NRP1: variants seen among roughly 807,000 people sequenced by gnomAD.
NRP1 encodes the protein neuropilin 1, also known as neuropilin-1.
Under a neutral mutation model 106.7 loss-of-function variants are expected in NRP1, and 35 were observed. The ratio of observed to expected loss-of-function variants is 0.33; its 90% CI spans 0.25 to 0.43. NRP1 has a LOEUF of 0.43. Among genes scored for constraint, NRP1 ranks in the 20% least tolerant of loss-of-function variants. The probability of loss-of-function intolerance (pLI) is 1.00; values close to 1 mark genes in which losing one functional copy is unlikely to be tolerated. For missense variants in NRP1, 1,024 were observed against 1,170.4 expected, an observed-to-expected ratio of 0.87 and a Z score of 1.83; for synonymous variants, 437 against 417.9, an observed-to-expected ratio of 1.05 and a Z score of -0.56.
At chr10:33,218,460 C>A (rs574082319) in intron 8 of NRP1, among the ~76,000 whole-genome samples, 78 of 151,904 alleles carry the variant, frequency 5.1e-4, no homozygotes, top group African/African-American at 1.7e-3. Flanking sequence ...ATTCTCCTGC[C>A]TCAGCCTTCT....
intron 12 of NRP1, among the ~76,000 whole-genome samples, chr10:33,192,724 A>G (rs1456434904): frequency 6.6e-6 from 1 of 152,210 alleles, no homozygotes; most frequent in Non-Finnish European, 1.5e-5. Flanking sequence ...CGTGTATTAC[A>G]TTTGCTGCAC....
chr10:33,215,321 A>T (rs1441815434), intron 8 of NRP1, among the ~76,000 whole-genome samples: 1 of 152,224 alleles, frequency 6.6e-6, no homozygotes, highest in Non-Finnish European at 1.5e-5. Flanking sequence ...AATATGATGT[A>T]AGTAGCACAG....
chr10:33,269,222 G>A (rs916086040), intron 3 of NRP1, among the ~76,000 whole-genome samples: 1 of 152,140 alleles, frequency 6.6e-6, no homozygotes, highest in Non-Finnish European at 1.5e-5. Context: ...GGAATTTATA[G>A]GCAGTTGCTA....
At chr10:33,286,663 T>A (rs1844585414) in intron 2 of NRP1, among the ~76,000 whole-genome samples, 1 of 152,208 alleles carries the variant, frequency 6.6e-6, no homozygotes, top group Non-Finnish European at 1.5e-5. Context: ...GGCTTTCTGA[T>A]GCCACAGAAC....
At position 33,179,844 on chromosome 10, in the gene NRP1, T is replaced by C. The variant is rs184019721; in HGVS notation, c.*232A>G. The C allele has an allele frequency of 3.7e-6, 2 of 547,452 alleles. No homozygotes were observed. Among genetic ancestry groups the C allele is most frequent in the African/African-American group, 1.9e-5 (1 of 53,116 alleles). 33.9% of individuals were successfully genotyped at this position (547,452 alleles called of 1,614,324 possible). Reference sequence around the variant, plus strand: ...CATACTTGGTCTCAACACCAGCATCTGATTATTCAAATGAAACCAACAGGA... The same window carrying C: ...CATACTTGGTCTCAACACCAGCATCCGATTATTCAAATGAAACCAACAGGA... On this transcript the variant is annotated 3_prime_UTR_variant, in exon 17 of 17. Coordinates refer to ENST00000374867, the MANE Select transcript of NRP1 (RefSeq NM_003873.7).
At chr10:33,182,186 C>T (rs1266127564) in intron 16 of NRP1, among the ~76,000 whole-genome samples, 1 of 152,126 alleles carries the variant, frequency 6.6e-6, no homozygotes, top group Non-Finnish European at 1.5e-5. Context: ...TCATCATCAT[C>T]ACAAAACCAA....
At chr10:33,268,076 A>G (rs1346205353) in intron 3 of NRP1, among the ~76,000 whole-genome samples, 1 of 152,236 alleles carries the variant, frequency 6.6e-6, no homozygotes, top group Non-Finnish European at 1.5e-5. Context: ...CAAAAGAATA[A>G]TGATCCATGA....
chr10:33,246,020 T>C (rs1588834072), intron 6 of NRP1, among the ~76,000 whole-genome samples: 4 of 152,326 alleles, frequency 2.6e-5, no homozygotes, highest in African/African-American at 9.6e-5. Flanking sequence ...TCATACATTT[T>C]CTTTAAGGTG....
At chr10:33,236,334 A>G (rs1840552596) in intron 6 of NRP1, among the ~76,000 whole-genome samples, 1 of 152,264 alleles carries the variant, frequency 6.6e-6, no homozygotes, top group Non-Finnish European at 1.5e-5. Context: ...AGAACCTCAT[A>G]GGAGAATCAG....
intron 4 of NRP1, among the ~76,000 whole-genome samples, chr10:33,258,263 C>A (rs1041258446): frequency 2.0e-5 from 3 of 152,270 alleles, no homozygotes; most frequent in South Asian, 2.1e-4. Context: ...AAGAAAAAAC[C>A]CCAAACCCAA....
chr10:33,231,996 T>C (rs1840174306), intron 6 of NRP1, among the ~76,000 whole-genome samples: 7 of 152,200 alleles, frequency 4.6e-5, no homozygotes, highest in Admixed American at 3.3e-4. Context: ...CTAAAGAATA[T>C]GAGCTCTGGT....
chr10:33,243,657 G>A lies in NRP1; in HGVS notation c.981+10371C>T, dbSNP rs528782808. ...ATAAGTGCATTTTTCACCCCTTGGG[G>A]TAAACAGAGCTGGGAAAAAAGTGCC... On this transcript the variant is annotated intron_variant, in intron 6 of 16. Coordinates refer to ENST00000374867, the MANE Select transcript of NRP1 (RefSeq NM_003873.7). 9.9e-5 allele frequency among the ~76,000 whole-genome samples: 15 copies of A among 152,254 alleles called. No homozygotes were observed. The South Asian group carries it at 2.9e-3, about 29-fold the overall frequency.
chr10:33,310,439 C>A (rs1287225824), intron 2 of NRP1, among the ~76,000 whole-genome samples: 2 of 151,730 alleles, frequency 1.3e-5, no homozygotes, highest in Non-Finnish European at 2.9e-5. Context: ...TTAGTAGAGA[C>A]GGGGTTTTAC....
chr10:33,205,129 A>G (rs923872451), intron 10 of NRP1, among the ~76,000 whole-genome samples: 1 of 152,220 alleles, frequency 6.6e-6, no homozygotes, highest in African/African-American at 2.4e-5. Context: ...GCATTCCCTT[A>G]GGTGTCTCCC....
At chr10:33,249,156 A>T (rs1841662572) in intron 6 of NRP1, among the ~76,000 whole-genome samples, 1 of 142,466 alleles carries the variant, frequency 7.0e-6, no homozygotes. Context: ...TTTTGAGGAA[A>T]GCACTCCCAA....
chr10:33,271,300 C>T (rs1313281964), intron 2 of NRP1, among the ~76,000 whole-genome samples: 2 of 152,160 alleles, frequency 1.3e-5, no homozygotes, highest in Non-Finnish European at 2.9e-5. Flanking sequence ...ATGAACAATA[C>T]TTTGATTTCT....
chr10:33,213,179 C>A, intron 9 of NRP1: 1 of 1,375,734 alleles, frequency 7.3e-7, no homozygotes, highest in Non-Finnish European at 9.9e-7. Flanking sequence ...ACCAGCAATG[C>A]AATTCTTTTG....
chr10:33,220,949 G>C (rs1234146503), intron 8 of NRP1, among the ~76,000 whole-genome samples: 1 of 150,846 alleles, frequency 6.6e-6, no homozygotes, highest in African/African-American at 2.4e-5. Flanking sequence ...AGATAAAGCT[G>C]GCCAGGGGCA....
rs536147975 is a variant in NRP1 at position 33,314,279 on chromosome 10, G to A, written c.248+16429C>T. On this transcript the variant is annotated intron_variant, in intron 2 of 16. Transcript: ENST00000374867. ...TTTTTTAAAAGTTTTTATAGAGACG[G>A]TATTGCCCAGGCTGTTCTCAAACTC... 3.7e-3 allele frequency among the ~76,000 whole-genome samples: 557 copies of A among 152,190 alleles called. 1 individual carries two copies. Among genetic ancestry groups the A allele is most frequent in the Non-Finnish European group, 5.7e-3 (387 of 68,020 alleles).
Sources: allele counts gnomAD v4.1 joint callset (sites outside exome capture counted in the v4.1 genomes callset), GRCh38; gene constraint gnomAD v4.1.1; transcripts MANE v1.5; gene names NCBI Gene and HGNC (gene_info 2026-07-23, HGNC 2026-07-21).